Variants in CNTLN observed in about 807,000 individuals in gnomAD.
CNTLN encodes the protein centlein, centrosomal protein.
Under a neutral mutation model 180.0 loss-of-function variants are expected in CNTLN, and 212 were observed. The observed-to-expected ratio is 1.18, with a 90% CI of 1.05 to 1.32. The LOEUF is 1.32. CNTLN is among the 40% of genes most tolerant of loss of function. The pLI, the probability that CNTLN is intolerant of heterozygous loss-of-function variation, is 0.00. For synonymous variants in CNTLN, 722 were observed against 563.1 expected (o/e 1.28, Z -3.99); for missense variants, 2,095 against 1,610.9 (o/e 1.30, Z -5.14).
chr9:17,135,231 A>T lies in CNTLN; in HGVS notation c.166A>T (p.Ile56Phe). ...GGTGGTCGCGGACGAAAGTGATAAA[A>T]TCTGGGTGGGTGAAGAAGGGTCAGG... ...REVVADESDK[I>F]WVGEEGSGGR... Residue 56 changes from isoleucine to phenylalanine, a missense_variant, in exon 1 of 26, where the codon ATC becomes TTC. Physicochemically the swap from Ile to Phe is conservative, Grantham distance 21 (BLOSUM62 0). Transcript: ENST00000380647. 1 of 1,609,668 alleles carries T rather than the reference A, an allele frequency of 6.2e-7. No individual in the cohort carries two copies. The highest frequency in any genetic ancestry group is 2.2e-5 in the East Asian group (1 of 44,672).
intron 5 of CNTLN, among the ~76,000 whole-genome samples, chr9:17,254,218 C>A (rs892897076): frequency 6.6e-6 from 1 of 151,606 alleles, no homozygotes; most frequent in Non-Finnish European, 1.5e-5. Context: ...CTATTGAAGT[C>A]CTTTTGTTGC....
At chr9:17,279,093 A>AT (rs1453844801) in intron 6 of CNTLN, among the ~76,000 whole-genome samples, 2 of 151,322 alleles carry the variant, frequency 1.3e-5, no homozygotes, top group Non-Finnish European at 3.0e-5. Context: ...TCATGTTATT[A>AT]TTTTTTTTTA....
At chr9:17,394,459 A>G (rs72705794) in intron 14 of CNTLN, 75 bp from the exon 15 acceptor site, 27,948 of 1,059,918 alleles carry the variant, frequency 0.026, 457 homozygotes, top group Non-Finnish European at 0.029. Flanking sequence ...TTTTTATTTC[A>G]TAAGTTAGAA....
chr9:17,174,714 A>G (rs1447903549), intron 2 of CNTLN, among the ~76,000 whole-genome samples: 1 of 151,358 alleles, frequency 6.6e-6, no homozygotes, highest in Non-Finnish European at 1.5e-5. Context: ...AAAAAAAAAA[A>G]GAAAGAAATT....
intron 13 of CNTLN, among the ~76,000 whole-genome samples, chr9:17,383,415 G>T (rs1344679508): frequency 6.6e-6 from 1 of 151,868 alleles, no homozygotes; most frequent in Non-Finnish European, 1.5e-5. Flanking sequence ...TTGGGTCGCT[G>T]AGGCTGGAGG....
chr9:17,299,109 G>A (rs909928533), intron 7 of CNTLN: 5 of 225,720 alleles, frequency 2.2e-5, no homozygotes, highest in African/African-American at 7.0e-5. Flanking sequence ...TGAGCATGGT[G>A]GTTCATGCCT....
At chr9:17,156,780 A>G (rs773127454) in intron 2 of CNTLN, among the ~76,000 whole-genome samples, 3 of 152,162 alleles carry the variant, frequency 2.0e-5, no homozygotes, top group Non-Finnish European at 4.4e-5. Context: ...AGTCACACAA[A>G]TTTTTTAGTT....
At chr9:17,319,599 T>G (rs1010978266) in intron 8 of CNTLN, among the ~76,000 whole-genome samples, 5 of 152,184 alleles carry the variant, frequency 3.3e-5, no homozygotes, top group Non-Finnish European at 7.3e-5. Flanking sequence ...CTTGATCACT[T>G]AATTGTGTGA....
Position 17,231,414 on chromosome 9 carries a change from G to A in CNTLN, c.535-4244G>A, listed in dbSNP as rs139422912. 1.1e-3 allele frequency among the ~76,000 whole-genome samples: 170 copies of A among 151,952 alleles called. 5 individuals are homozygous for A. The East Asian group carries it at 0.03, about 27-fold the overall frequency. On this transcript the variant is annotated intron_variant, in intron 3 of 25. Coordinates refer to ENST00000380647, the MANE Select transcript of CNTLN (RefSeq NM_017738.4). ...GCAATCTAATAATTATTAGTATAAAGAATTGCCTTTTTTTGGGTAAGACTA... is the reference window on the plus strand; with the variant it reads ...GCAATCTAATAATTATTAGTATAAAAAATTGCCTTTTTTTGGGTAAGACTA...
intron 7 of CNTLN, among the ~76,000 whole-genome samples, chr9:17,307,833 A>G (rs1186141496): frequency 6.6e-6 from 1 of 152,140 alleles, no homozygotes; most frequent in African/African-American, 2.4e-5. Context: ...CCCATGAGGC[A>G]AGGCAAACTG....
At chr9:17,186,894 T>C (rs1821465978) in intron 2 of CNTLN, among the ~76,000 whole-genome samples, 3 of 152,048 alleles carry the variant, frequency 2.0e-5, no homozygotes, top group Non-Finnish European at 4.4e-5. Flanking sequence ...CTTAATTTTT[T>C]ATATGCAAAA....
intron 6 of CNTLN, among the ~76,000 whole-genome samples, chr9:17,274,964 A>G (rs1828215684): frequency 6.6e-6 from 1 of 152,124 alleles, no homozygotes; most frequent in African/African-American, 2.4e-5. Flanking sequence ...CTTGTATCAC[A>G]TTTTAAAAAC....
chr9:17,484,362 TGAA>T lies in CNTLN; in HGVS notation c.3927_3929del (p.Lys1310del). ...CGACAAATAAGAGAGCTTAAAAAAA[TGAA>T]GAAAAACAGGGACGCCTGTAAAACC... On this transcript the variant is annotated inframe_deletion, in exon 24 of 26. Transcript: ENST00000380647. 1 of 1,612,180 alleles carries T rather than the reference TGAA, an allele frequency of 6.2e-7. No homozygotes were observed. Among genetic ancestry groups the T allele is most frequent in the Non-Finnish European group, 8.5e-7 (1 of 1,179,334 alleles).
chr9:17,304,062 T>A (rs972081303), intron 7 of CNTLN, among the ~76,000 whole-genome samples: 6 of 152,176 alleles, frequency 3.9e-5, no homozygotes, highest in Admixed American at 3.9e-4. Context: ...TGTATCATAA[T>A]ATCTGTTTAA....
chr9:17,479,603 AT>A (rs1479069731), intron 23 of CNTLN, among the ~76,000 whole-genome samples: 3 of 152,182 alleles, frequency 2.0e-5, no homozygotes, highest in Non-Finnish European at 4.4e-5. Context: ...AGCTCTAGAG[AT>A]TTGTGTACAA....
intron 2 of CNTLN, among the ~76,000 whole-genome samples, chr9:17,200,638 G>T (rs1412127176): frequency 6.6e-6 from 1 of 152,046 alleles, no homozygotes; most frequent in African/African-American, 2.4e-5. Context: ...CTCTCTGCTT[G>T]TCTATTATTG....
At chr9:17,387,968 C>T (rs1369150294) in intron 13 of CNTLN, among the ~76,000 whole-genome samples, 194 bp from the exon 14 acceptor site, 2 of 145,750 alleles carry the variant, frequency 1.4e-5, no homozygotes, top group African/African-American at 5.1e-5. Context: ...AAAAAGGTGG[C>T]ACTACAAAGA....
intron 22 of CNTLN, 103 bp downstream of exon 22, chr9:17,466,221 T>A: frequency 1.0e-6 from 1 of 952,416 alleles, no homozygotes; most frequent in Non-Finnish European, 1.6e-6. Context: ...ACAAGCTACT[T>A]AAACACTTCA....
intron 24 of CNTLN, among the ~76,000 whole-genome samples, chr9:17,486,424 TTC>T (rs1832890330): frequency 1.3e-5 from 2 of 152,148 alleles, no homozygotes; most frequent in Non-Finnish European, 2.9e-5. Context: ...TCCAGAAATA[TTC>T]TGTCATGATA....
Sources: allele counts gnomAD v4.1 joint callset (sites outside exome capture counted in the v4.1 genomes callset), GRCh38; gene constraint gnomAD v4.1.1; transcripts MANE v1.5; gene names NCBI Gene and HGNC (gene_info 2026-07-23, HGNC 2026-07-21).